The following LTAP1 variants were observed in gnomAD, a reference collection of about 807,000 sequenced individuals.
LTAP1 encodes lipid transport auxiliary protein 1, also known as HCV NS5A-transactivated protein 4.
At chr1:154,211,169 T>TGGC in the LTAP1 span, among the ~76,000 whole-genome samples, 6 of 134,572 alleles carry the variant, frequency 4.5e-5, no homozygotes, top group African/African-American at 2.4e-4. Context: ...CATGCCCAGC[T>TGGC]AATTTTTGTA....
At chr1:154,217,505 C>T in the LTAP1 span, among the ~76,000 whole-genome samples, 4 of 152,094 alleles carry the variant, frequency 2.6e-5, no homozygotes, top group Non-Finnish European at 5.9e-5. Flanking sequence ...CTCTTGTGAA[C>T]GGCATTTTGG....
At chr1:154,212,239 C>T in the LTAP1 span, 1 of 1,437,184 alleles carries the variant, frequency 7.0e-7, no homozygotes, top group Non-Finnish European at 9.8e-7. Context: ...TGTTTATATG[C>T]TTTATGAAGG....
At chr1:154,209,728 A>C in the LTAP1 span, among the ~76,000 whole-genome samples, 1 of 151,068 alleles carries the variant, frequency 6.6e-6, no homozygotes, top group Non-Finnish European at 1.5e-5. Context: ...CTGGGACTAC[A>C]GGCACCCGCC....
the LTAP1 span, chr1:154,214,341 T>A: frequency 1.4e-6 from 1 of 723,172 alleles, no homozygotes; most frequent in Non-Finnish European, 2.4e-6. Flanking sequence ...ATCTAACATA[T>A]ATCCAATAAC....
At chr1:154,212,822 A>G in the LTAP1 span, 2 of 578,628 alleles carry the variant, frequency 3.5e-6, no homozygotes, top group African/African-American at 1.9e-5. Flanking sequence ...CCACCATGCC[A>G]GGCTTATTTT....
chr1:154,208,578 TAG>T, the LTAP1 span: 2 of 152,136 alleles, frequency 1.3e-5, no homozygotes, highest in African/African-American at 4.8e-5. Flanking sequence ...ATCCCCAATA[TAG>T]GTATCACCTT....
the LTAP1 span, chr1:154,207,195 A>G: frequency 2.6e-6 from 1 of 378,794 alleles, no homozygotes; most frequent in South Asian, 3.6e-5. Flanking sequence ...AACATTAAGA[A>G]TAACACCTGA....
chr1:154,215,335 G>A, the LTAP1 span, among the ~76,000 whole-genome samples: 1 of 152,160 alleles, frequency 6.6e-6, no homozygotes, highest in Non-Finnish European at 1.5e-5. Flanking sequence ...GGGAGGCCGA[G>A]GTGGGTGGAT....
At chr1:154,207,375 G>A in the LTAP1 span, 48 of 1,413,990 alleles carry the variant, frequency 3.4e-5, no homozygotes, top group Non-Finnish European at 4.2e-5. Context: ...CAGATGTTCC[G>A]AGGGCGGCCC....
chr1:154,219,142 G>A, the LTAP1 span, among the ~76,000 whole-genome samples: 3 of 152,290 alleles, frequency 2.0e-5, no homozygotes, highest in Middle Eastern at 3.4e-3. Context: ...GTGGCAGTGG[G>A]ATAGCAATAA....
chr1:154,213,895 G>C, the LTAP1 span: 1 of 1,612,832 alleles, frequency 6.2e-7, no homozygotes, highest in East Asian at 2.2e-5. Context: ...GCCCTTACCA[G>C]AGGTACGAAT....
At chr1:154,217,447 C>T in the LTAP1 span, among the ~76,000 whole-genome samples, 12 of 152,286 alleles carry the variant, frequency 7.9e-5, no homozygotes, top group Non-Finnish European at 1.6e-4. Flanking sequence ...ACAGTTCTGC[C>T]TGTTCTAGAA....
chr1:154,208,922 A>G, the LTAP1 span, among the ~76,000 whole-genome samples: 1 of 151,878 alleles, frequency 6.6e-6, no homozygotes, highest in Non-Finnish European at 1.5e-5. Flanking sequence ...CAATTTTTCT[A>G]TTTTTAGTAG....
At chr1:154,217,038 C>T in the LTAP1 span, among the ~76,000 whole-genome samples, 1 of 151,114 alleles carries the variant, frequency 6.6e-6, no homozygotes, top group Non-Finnish European at 1.5e-5. Flanking sequence ...CAACCTCCGC[C>T]GGGGCTCAAG....
the LTAP1 span, chr1:154,207,707 CT>C: frequency 1.4e-6 from 2 of 1,383,446 alleles, no homozygotes; most frequent in Non-Finnish European, 2.0e-6. Flanking sequence ...GAAATCAGGG[CT>C]TATCCCAGGC....
At chr1:154,211,149 A>G in the LTAP1 span, among the ~76,000 whole-genome samples, 1 of 145,866 alleles carries the variant, frequency 6.9e-6, no homozygotes, top group Non-Finnish European at 1.5e-5. Context: ...GTATTACAGG[A>G]GCCCGCCAGC....
the LTAP1 span, among the ~76,000 whole-genome samples, chr1:154,218,818 T>C: frequency 2.0e-5 from 3 of 152,084 alleles, no homozygotes; most frequent in Admixed American, 6.6e-5. Context: ...TTTAAACAAA[T>C]GGACAAACAT....
At chr1:154,207,299 G>T in the LTAP1 span, 1 of 683,794 alleles carries the variant, frequency 1.5e-6, no homozygotes, top group Non-Finnish European at 2.5e-6. Context: ...TTACCCTTTA[G>T]ACACAAGCTC....
At chr1:154,214,947 C>A in the LTAP1 span, among the ~76,000 whole-genome samples, 1 of 151,612 alleles carries the variant, frequency 6.6e-6, no homozygotes, top group Non-Finnish European at 1.5e-5. Context: ...CAGGTTCAAG[C>A]AATTCTCCTG....
Sources: allele counts gnomAD v4.1 joint callset (sites outside exome capture counted in the v4.1 genomes callset), GRCh38; gene constraint gnomAD v4.1.1; transcripts MANE v1.5; gene names NCBI Gene and HGNC (gene_info 2026-07-23, HGNC 2026-07-21).